The following SLIT2 variants were observed in gnomAD, a reference collection of about 807,000 sequenced individuals.
SLIT2 encodes slit guidance ligand 2, also known as slit homolog 2 protein.
Under a neutral mutation model 185.7 loss-of-function variants are expected in SLIT2, and 41 were observed. The observed-to-expected ratio is 0.22, with a 90% CI of 0.17 to 0.29. The LOEUF (loss-of-function observed/expected upper bound fraction) is 0.29, where lower values mean the gene tolerates loss of function less well. SLIT2 is among the 10% of genes least tolerant of loss of function. The pLI, the probability that SLIT2 is intolerant of heterozygous loss-of-function variation, is 1.00. For synonymous variants in SLIT2, 693 were observed against 680.2 expected (o/e 1.02, Z -0.29); for missense variants, 1,571 against 1,909.0 (o/e 0.82, Z 3.30).
intron 21 of SLIT2, 29 bp downstream of exon 21, chr4:20,542,655 T>C: frequency 3.7e-6 from 6 of 1,608,802 alleles, no homozygotes; most frequent in Non-Finnish European, 5.1e-6. Context: ...TCTTTTCTTT[T>C]CTTTTTCCTT....
chr4:20,535,108 G>A lies in SLIT2; in HGVS notation c.1832+1393G>A, dbSNP rs186468110. 2.4e-4 allele frequency among the ~76,000 whole-genome samples: 37 copies of A among 152,172 alleles called. No homozygotes were observed. The East Asian group carries it at 4.9e-3, about 20-fold the overall frequency. ...GAGGTCAGGAGTTCAAGACCAGCCTGGCCAATATGATGACATCCGGTCTCT... is the reference window on the plus strand; with the variant it reads ...GAGGTCAGGAGTTCAAGACCAGCCTAGCCAATATGATGACATCCGGTCTCT... On this transcript the variant is annotated intron_variant, in intron 18 of 36. Transcript: ENST00000504154.
chr4:20,300,437 C>T (rs999290709), intron 4 of SLIT2, among the ~76,000 whole-genome samples: 1 of 152,180 alleles, frequency 6.6e-6, no homozygotes, highest in East Asian at 1.9e-4. Context: ...TGTGCAAGAA[C>T]ATTCATTTGT....
At chr4:20,451,961 A>G (rs1712522163) in intron 4 of SLIT2, among the ~76,000 whole-genome samples, 1 of 152,210 alleles carries the variant, frequency 6.6e-6, no homozygotes, top group South Asian at 2.1e-4. Context: ...TGGCAAAACA[A>G]CCAAAGCATT....
intron 4 of SLIT2, among the ~76,000 whole-genome samples, chr4:20,270,416 C>G (rs901386749): frequency 3.3e-5 from 5 of 151,760 alleles, no homozygotes; most frequent in African/African-American, 9.7e-5. Context: ...CATAGCAGAC[C>G]AAGAGATTTT....
chr4:20,580,041 T>C (rs1726414863), intron 29 of SLIT2, among the ~76,000 whole-genome samples: 1 of 131,612 alleles, frequency 7.6e-6, no homozygotes, highest in Non-Finnish European at 1.5e-5. Context: ...ATATATTATG[T>C]ATATATTATA....
At chr4:20,618,187 T>C (rs957073584) in intron 36 of SLIT2, among the ~76,000 whole-genome samples, 2 of 152,188 alleles carry the variant, frequency 1.3e-5, no homozygotes, top group African/African-American at 2.4e-5. Context: ...CCTTCTCCTT[T>C]GTCTGCGTGA....
In SLIT2 at chr4:20,595,784, C is replaced by G. The variant is rs770509123; in HGVS notation, c.3270C>G (p.His1090Gln). 3 of 1,614,130 alleles carry G rather than the reference C, an allele frequency of 1.9e-6. No individual in the cohort carries two copies. The highest frequency in any genetic ancestry group is 2.5e-6 in the Non-Finnish European group (3 of 1,179,992). The part of the protein sequence containing the change: ...CQDNKCKNGA[H>Q]CTDAVNGYTC... ...ACAACAAGTGTAAAAACGGAGCCCA[C>G]TGCACAGATGCAGTGAACGGCTATA... The change falls in exon 31 of 37, where the codon CAC becomes CAG. Residue 1090 changes from histidine (H) to glutamine (Q), a missense_variant. Physicochemically the swap from His to Gln is conservative, Grantham distance 24. Around this residue, in one of 3 missense-constraint regions of SLIT2, gnomAD observed 1,202 missense variants for 1,416.4 expected, o/e 0.85. Transcript: ENST00000504154.
At chr4:20,459,755 G>T (rs1272893257) in intron 4 of SLIT2, among the ~76,000 whole-genome samples, 1 of 151,834 alleles carries the variant, frequency 6.6e-6, no homozygotes, top group Admixed American at 6.6e-5. Flanking sequence ...TAATTTCCCT[G>T]GTTATGTCTA....
chr4:20,491,338 T>C (rs961017716), intron 8 of SLIT2, among the ~76,000 whole-genome samples: 2 of 152,196 alleles, frequency 1.3e-5, no homozygotes, highest in Non-Finnish European at 2.9e-5. Context: ...TTTTGTTTTC[T>C]TTTTTAAAAG....
rs1463748027 is a variant in SLIT2, at chr4:20,536,753, G to C, written c.1833-2688G>C. Among the ~76,000 whole-genome samples, 4 of 147,414 alleles carry C rather than the reference G, an allele frequency of 2.7e-5. No homozygotes were observed. The South Asian group carries it at 6.5e-4, about 24-fold the overall frequency. The stretch of plus-strand genomic sequence containing the variant: ...ACACTTAGCTTAAACACATTGTTCA[G>C]CTGTATAAATTTTTTTACTCTTATA... On this transcript the variant is annotated intron_variant, in intron 18 of 36. Coordinates refer to ENST00000504154, the MANE Select transcript of SLIT2 (RefSeq NM_004787.4).
chr4:20,593,783 T>C (rs1012784845), intron 30 of SLIT2, among the ~76,000 whole-genome samples: 3 of 151,994 alleles, frequency 2.0e-5, no homozygotes, highest in Non-Finnish European at 2.9e-5. Context: ...TCAGTAAATC[T>C]AGAATAAAAT....
chr4:20,367,724 T>TGACC (rs1723224376), intron 4 of SLIT2, among the ~76,000 whole-genome samples: 1 of 152,142 alleles, frequency 6.6e-6, no homozygotes, highest in Non-Finnish European at 1.5e-5. Context: ...GTCCCTGACC[T>TGACC]TGGCCCCTAT....
intron 25 of SLIT2, among the ~76,000 whole-genome samples, chr4:20,553,593 G>A (rs1457919): frequency 0.36 from 54,596 of 152,016 alleles, 10,614 homozygotes; most frequent in East Asian, 0.8. Context: ...CTAAATCCCA[G>A]TGCACATCAT....
intron 30 of SLIT2, among the ~76,000 whole-genome samples, chr4:20,590,264 AT>A (rs1048261225): frequency 6.6e-6 from 1 of 151,880 alleles, no homozygotes; most frequent in Non-Finnish European, 1.5e-5. Flanking sequence ...TTCATCCATG[AT>A]TTTTTTTGTG....
intron 29 of SLIT2, among the ~76,000 whole-genome samples, chr4:20,580,269 C>T (rs1326135474): frequency 6.6e-6 from 1 of 151,050 alleles, no homozygotes; most frequent in African/African-American, 2.4e-5. Flanking sequence ...CCATGTTGAC[C>T]TCAGGTGATC....
At chr4:20,518,858 G>A (rs1386393956) in intron 11 of SLIT2, among the ~76,000 whole-genome samples, 5 of 150,332 alleles carry the variant, frequency 3.3e-5, no homozygotes, top group Admixed American at 6.7e-5. Context: ...CGCCCGCCTC[G>A]GCCTCCCAAA....
At chr4:20,592,681 TTTC>T (rs1727604424) in intron 30 of SLIT2, among the ~76,000 whole-genome samples, 1 of 152,152 alleles carries the variant, frequency 6.6e-6, no homozygotes, top group Non-Finnish European at 1.5e-5. Context: ...TTTCAAAGCA[TTTC>T]TTCTTTTTTT....
intron 4 of SLIT2, among the ~76,000 whole-genome samples, chr4:20,279,494 T>A (rs2109051883): frequency 6.6e-6 from 1 of 152,322 alleles, no homozygotes; most frequent in Admixed American, 6.5e-5. Context: ...GATCATTCAT[T>A]ATAATATGGT....
intron 26 of SLIT2, among the ~76,000 whole-genome samples, chr4:20,557,054 G>A (rs1213365637): frequency 1.3e-5 from 2 of 152,044 alleles, no homozygotes; most frequent in African/African-American, 2.4e-5. Flanking sequence ...GGAAGCTGTA[G>A]AAGAAAAGTT....
Sources: gnomAD v4.1 joint callset for allele counts (sites outside exome capture counted in the v4.1 genomes callset) on GRCh38, gnomAD v4.1.1 for gene constraint, gnomAD v4.1.1 regional missense constraint, MANE v1.5 for transcripts, NCBI Gene and HGNC (gene_info 2026-07-23, HGNC 2026-07-21) for gene names.